POLR3B: variants seen among roughly 807,000 people sequenced by gnomAD.
POLR3B encodes the protein RNA polymerase III subunit B, also known as DNA-directed RNA polymerase III subunit RPC2.
POLR3B carries 96 observed loss-of-function variants against 147.4 expected under a neutral mutation model. The ratio of observed to expected loss-of-function variants is 0.65; its 90% CI spans 0.55 to 0.77. The LOEUF is 0.77. Among genes scored for constraint, POLR3B ranks in the 30% least tolerant of loss-of-function variants. The probability of loss-of-function intolerance (pLI) is 0.00; values close to 1 mark genes in which losing one functional copy is unlikely to be tolerated. For missense variants in POLR3B, 1,036 were observed against 1,413.5 expected, an observed-to-expected ratio of 0.73 and a Z score of 4.28; for synonymous variants, 461 against 485.9, an observed-to-expected ratio of 0.95 and a Z score of 0.67.
rs1184272433 is a variant in POLR3B, at chr12:106,478,490, G to A, written c.2713+14870G>A. ...CTAGCTGACCTTTCCCTTGTAGTGA[G>A]GAGTTTTGTCTTGCTACTTTTTTTT... On this transcript the variant is annotated intron_variant, in intron 23 of 27. Transcript: ENST00000228347. Among the ~76,000 whole-genome samples, 3 of 152,100 alleles carry A rather than the reference G, an allele frequency of 2.0e-5. No homozygotes were observed. In the East Asian group the frequency reaches 5.8e-4, roughly 29 times the overall value.
rs2037968493 is a variant in POLR3B, at chr12:106,463,609, A to G, written c.2702A>G (p.His901Arg). The stretch of plus-strand genomic sequence containing the variant: ...ATTGGAGACAAATTCAGCAGTCGTC[A>G]TGGGCAAAAAGGTAAACTGTATCAT... ...PEIGDKFSSRHGQKGVCGLIV... is the reference protein window; with the variant it reads ...PEIGDKFSSRRGQKGVCGLIV... Residue 901 changes from histidine (H) to arginine (R), a missense_variant, in exon 23 of 28, where the codon CAT (histidine) becomes CGT (arginine). His to Arg is a conservative substitution (Grantham distance 29). Transcript: ENST00000228347. 1 of 1,613,176 alleles carries G rather than the reference A, an allele frequency of 6.2e-7. No individual in the cohort carries two copies. The highest frequency in any genetic ancestry group is 8.5e-7 in the Non-Finnish European group (1 of 1,179,288).
At position 106,466,813 on chromosome 12, in the gene POLR3B, A is replaced by T. The variant is rs547451300; in HGVS notation, c.2713+3193A>T. Among the ~76,000 whole-genome samples, 365 of 152,034 alleles carry T rather than the reference A, an allele frequency of 2.4e-3. 2 individuals are homozygous for T. The highest frequency in any genetic ancestry group is 8.2e-3 in the African/African-American group (339 of 41,476). ...TCTGTTCTGTTCCATTGGTCTATAT[A>T]TCTGTTTTGGTACCAGTACCATGCT... On this transcript the variant is annotated intron_variant, in intron 23 of 27. Coordinates refer to ENST00000228347, the MANE Select transcript of POLR3B (RefSeq NM_018082.6).
At position 106,496,870 on chromosome 12, in the gene POLR3B, A is replaced by G. The variant is rs777603547; in HGVS notation, c.2936A>G (p.His979Arg). 2.5e-6 allele frequency: 4 copies of G among 1,614,018 alleles called. No individual in the cohort carries two copies. The highest frequency in any genetic ancestry group is 3.3e-5 in the Admixed American group (2 of 60,006). ...VKDVCEDLVR[H>R]GYNYLGKDYV... Reference sequence around the variant, plus strand: ...GATGTGTGTGAGGACCTCGTTCGCCATGGTTATAACTACTTGGGGAAAGAC... The same window carrying G: ...GATGTGTGTGAGGACCTCGTTCGCCGTGGTTATAACTACTTGGGGAAAGAC... Residue 979 changes from histidine to arginine, a missense_variant, in exon 25 of 28, where the codon CAT becomes CGT. This residue lies in a region of POLR3B where 88 missense variants were observed against 87.5 expected (regional missense o/e 1.01). Transcript: ENST00000228347.
Position 106,486,616 on chromosome 12 carries a change from G to C in POLR3B, c.2714-9439G>C, listed in dbSNP as rs151095560. The stretch of plus-strand genomic sequence containing the variant: ...CTTCTCAAAATTCCCATTCTTCCTG[G>C]ATAAGCAGCTTTACAGCTGCCACAA... On this transcript the variant is annotated intron_variant, in intron 23 of 27. Transcript: ENST00000228347. 4.2e-3 allele frequency among the ~76,000 whole-genome samples: 646 copies of C among 152,084 alleles called. 3 individuals are homozygous for C. Among genetic ancestry groups the C allele is most frequent in the African/African-American group, 0.014 (575 of 41,476 alleles).
rs76986946 is a variant in POLR3B at position 106,362,360 on chromosome 12, C to T, written c.73-1510C>T. Among the ~76,000 whole-genome samples the T allele has an allele frequency of 4.3e-3, 661 of 152,122 alleles. 4 individuals carry two copies. Among genetic ancestry groups the T allele is most frequent in the African/African-American group, 0.015 (619 of 41,506 alleles). ...TGGGAGTATTAGCTCATAGGGCTGC[C>T]GTAACAAAGTAACCACAAACTAGGT... On this transcript the variant is annotated intron_variant, in intron 1 of 27. Coordinates refer to ENST00000228347, the MANE Select transcript of POLR3B (RefSeq NM_018082.6).
chr12:106,448,654 G>A (rs2037758085), intron 19 of POLR3B, among the ~76,000 whole-genome samples: 1 of 151,370 alleles, frequency 6.6e-6, no homozygotes, highest in African/African-American at 2.4e-5. Context: ...TGGCTAGGCT[G>A]GTCTCGAACT....
intron 19 of POLR3B, among the ~76,000 whole-genome samples, chr12:106,454,243 G>A (rs1430189814): frequency 2.0e-5 from 3 of 152,112 alleles, no homozygotes; most frequent in African/African-American, 4.8e-5. Flanking sequence ...ATGGGATAAT[G>A]TAAATCCAAA....
chr12:106,423,240 A>G (rs547393273), intron 12 of POLR3B, among the ~76,000 whole-genome samples: 2 of 152,292 alleles, frequency 1.3e-5, no homozygotes, highest in Non-Finnish European at 1.5e-5. Context: ...GTTTAAACAA[A>G]TTGTCGCCAT....
At chr12:106,406,763 G>A (rs1476815897) in intron 11 of POLR3B, among the ~76,000 whole-genome samples, 2 of 152,178 alleles carry the variant, frequency 1.3e-5, no homozygotes, top group Middle Eastern at 3.2e-3. Flanking sequence ...CATGTGGGGT[G>A]TTGGCAAGAG....
intron 23 of POLR3B, among the ~76,000 whole-genome samples, chr12:106,469,440 C>T (rs1398036467): frequency 1.3e-5 from 2 of 152,062 alleles, no homozygotes; most frequent in Admixed American, 6.6e-5. Context: ...GGGCATTTAG[C>T]CCATTTACAT....
intron 10 of POLR3B, among the ~76,000 whole-genome samples, chr12:106,396,839 A>G (rs1256913638): frequency 6.6e-6 from 1 of 151,858 alleles, no homozygotes; most frequent in Non-Finnish European, 1.5e-5. Context: ...CACCTGTTAT[A>G]CTGCCACTTT....
chr12:106,484,692 G>A (rs118145634), intron 23 of POLR3B, among the ~76,000 whole-genome samples: 2,553 of 151,974 alleles, frequency 0.017, 37 homozygotes, highest in South Asian at 0.045. Context: ...TTTAGAGGTG[G>A]GGGTGTGTAC....
intron 7 of POLR3B, among the ~76,000 whole-genome samples, chr12:106,376,973 C>T (rs1277637002): frequency 6.6e-6 from 1 of 152,124 alleles, no homozygotes; most frequent in Non-Finnish European, 1.5e-5. Context: ...TAATATGACA[C>T]ATTCTTGTTT....
In POLR3B at chr12:106,426,222, T is replaced by TGTGTGTGTG. The variant is rs1555213087; in HGVS notation, c.1102-975_1102-974insGTGTGTGTG. Among the ~76,000 whole-genome samples, 51 of 131,222 alleles carry TGTGTGTGTG rather than the reference T, an allele frequency of 3.9e-4. No homozygotes were observed. In the East Asian group the frequency reaches 4.1e-3, roughly 11 times the overall value. The allele number at this position is 131,222 out of a possible 152,430, so 86.1% of individuals were successfully genotyped here. A position where few individuals can be genotyped will look rare whatever the true frequency, so the allele number is the denominator to read the frequency against. On this transcript the variant is annotated intron_variant, in intron 12 of 27. Coordinates refer to ENST00000228347, the MANE Select transcript of POLR3B (RefSeq NM_018082.6). Reference sequence around the variant, plus strand: ...AAATTGTAAGGGCAGGGCCTGCAATTTGTGTGTGTGTGTGTGTGTGTGTGT... The same window carrying TGTGTGTGTG: ...AAATTGTAAGGGCAGGGCCTGCAATTGTGTGTGTGTGTGTGTGTGTGTGTGTGTGTGTGT...
chr12:106,396,889 G>A (rs571548313), intron 10 of POLR3B, among the ~76,000 whole-genome samples: 61 of 152,162 alleles, frequency 4.0e-4, no homozygotes, highest in African/African-American at 1.4e-3. Context: ...GCCAAGAGTT[G>A]GAGACCAGCC....
chr12:106,381,304 A>G (rs1309370519), intron 9 of POLR3B, among the ~76,000 whole-genome samples: 9 of 152,234 alleles, frequency 5.9e-5, no homozygotes, highest in Non-Finnish European at 1.3e-4. Context: ...TCTTTCAAAA[A>G]TTGGAGTCAG....
intron 6 of POLR3B, among the ~76,000 whole-genome samples, chr12:106,370,623 G>GTT (rs2036591764): frequency 7.1e-6 from 1 of 140,372 alleles, no homozygotes; most frequent in African/African-American, 2.6e-5. Flanking sequence ...TGTTTTTTTT[G>GTT]TTTTATTGTT....
intron 23 of POLR3B, among the ~76,000 whole-genome samples, chr12:106,471,660 G>A (rs1295518541): frequency 2.0e-5 from 3 of 152,054 alleles, no homozygotes; most frequent in African/African-American, 7.3e-5. Context: ...TCTCCATAAA[G>A]CCCAGTAAGT....
chr12:106,463,517 G>A lies in POLR3B; in HGVS notation c.2610G>A (p.Met870Ile). Residue 870 changes from methionine to isoleucine, a missense_variant, in exon 23 of 28, where the codon ATG becomes ATA. Met to Ile is a conservative substitution (Grantham distance 10). Around this residue, in one of 12 missense-constraint regions of POLR3B, gnomAD observed 202 missense variants for 272.8 expected, o/e 0.74. Transcript: ENST00000228347. ...GATDSYIEKV[M>I]ISSNAEDAFL... ...CAGACTCATATATTGAAAAAGTGAT[G>A]ATATCTTCAAATGCTGAAGATGCTT... is the stretch of plus-strand genomic sequence containing the variant. The A allele has an allele frequency of 6.2e-7, 1 of 1,612,652 alleles. No homozygotes were observed. Among genetic ancestry groups the A allele is most frequent in the South Asian group, 1.1e-5 (1 of 91,044 alleles).
Sources: gnomAD v4.1 joint callset for allele counts (sites outside exome capture counted in the v4.1 genomes callset) on GRCh38, gnomAD v4.1.1 for gene constraint, gnomAD v4.1.1 regional missense constraint, MANE v1.5 for transcripts, NCBI Gene and HGNC (gene_info 2026-07-23, HGNC 2026-07-21) for gene names.